Variants in ADCY2 observed in about 807,000 individuals in gnomAD.
The protein encoded by ADCY2 is adenylate cyclase type 2.
In ADCY2, 31 loss-of-function variants were observed where a neutral mutation model predicts 125.2. That is an observed-to-expected ratio of 0.25 (90% confidence interval 0.19 to 0.33). The LOEUF is 0.33. Among genes scored for constraint, ADCY2 ranks in the 10% least tolerant of loss-of-function variants. ADCY2 has a pLI of 1.00. For missense variants in ADCY2, 904 were observed against 1,418.2 expected (o/e 0.64, Z 5.82); for synonymous variants, 512 against 548.4 (o/e 0.93, Z 0.93).
At chr5:7,566,329 T>A (rs896564720) in intron 3 of ADCY2, among the ~76,000 whole-genome samples, 2 of 151,606 alleles carry the variant, frequency 1.3e-5, no homozygotes, top group African/African-American at 4.8e-5. Context: ...CTACAAAAAT[T>A]AAAAAAAATT....
intron 2 of ADCY2, among the ~76,000 whole-genome samples, chr5:7,416,222 A>C (rs1249679367): frequency 6.6e-6 from 1 of 152,146 alleles, no homozygotes; most frequent in Non-Finnish European, 1.5e-5. Flanking sequence ...TTGTGCCTCC[A>C]TTTCTTGGGC....
At chr5:7,524,141 G>A (rs1235519029) in intron 3 of ADCY2, among the ~76,000 whole-genome samples, 4 of 152,062 alleles carry the variant, frequency 2.6e-5, no homozygotes, top group Non-Finnish European at 5.9e-5. Flanking sequence ...CCTAATTAAG[G>A]AAATTTAATT....
rs7730003 is a variant in ADCY2 at position 7,824,811 on chromosome 5, G to A, written c.3124-1908G>A. On this transcript the variant is annotated intron_variant, in intron 24 of 24. Coordinates refer to ENST00000338316, the MANE Select transcript of ADCY2 (RefSeq NM_020546.3). ...TGGAGGATTCACCCTGGTTCTGGGC[G>A]TCCCTGGATGCTGTCCTGGGCTCTC... Among the ~76,000 whole-genome samples, 450 of 152,300 alleles carry A rather than the reference G, an allele frequency of 3.0e-3. 2 individuals carry two copies. Among genetic ancestry groups the A allele is most frequent in the Middle Eastern group, 0.014 (4 of 294 alleles).
At chr5:7,626,864 A>G (rs1186611149) in intron 4 of ADCY2, among the ~76,000 whole-genome samples, 2 of 152,130 alleles carry the variant, frequency 1.3e-5, no homozygotes, top group Admixed American at 6.6e-5. Context: ...TTTGGAGAGG[A>G]CAAGCATCTA....
chr5:7,582,571 T>C (rs1276112541), intron 3 of ADCY2, among the ~76,000 whole-genome samples: 1 of 152,188 alleles, frequency 6.6e-6, no homozygotes, highest in Non-Finnish European at 1.5e-5. Flanking sequence ...TAATATATTT[T>C]GACCATATTA....
At chr5:7,433,969 A>G (rs1429535500) in intron 2 of ADCY2, among the ~76,000 whole-genome samples, 1 of 152,256 alleles carries the variant, frequency 6.6e-6, no homozygotes, top group Non-Finnish European at 1.5e-5. Flanking sequence ...AGTTAATAAT[A>G]CAAATTCTAG....
intron 4 of ADCY2, among the ~76,000 whole-genome samples, chr5:7,687,030 G>A (rs1158140934): frequency 6.6e-6 from 1 of 152,142 alleles, no homozygotes; most frequent in Non-Finnish European, 1.5e-5. Flanking sequence ...TTGAATGATG[G>A]GGGAAGGCTT....
At chr5:7,741,712 A>G (rs1262069122) in intron 14 of ADCY2, among the ~76,000 whole-genome samples, 1 of 129,384 alleles carries the variant, frequency 7.7e-6, no homozygotes, top group Non-Finnish European at 1.7e-5. Flanking sequence ...AACCATCTCT[A>G]TCACCATCAC....
At chr5:7,642,404 T>C (rs1021709706) in intron 4 of ADCY2, among the ~76,000 whole-genome samples, 1 of 152,204 alleles carries the variant, frequency 6.6e-6, no homozygotes, top group Non-Finnish European at 1.5e-5. Flanking sequence ...TTTAAATTTC[T>C]TATAGATTCT....
intron 18 of ADCY2, among the ~76,000 whole-genome samples, chr5:7,774,649 G>A (rs1326731566): frequency 6.6e-6 from 1 of 152,108 alleles, no homozygotes; most frequent in South Asian, 2.1e-4. Flanking sequence ...CTAGTTATCA[G>A]GTTGAAGAAA....
At position 7,408,992 on chromosome 5, in the gene ADCY2, A is replaced by G. The variant is rs558387711; in HGVS notation, c.211-5581A>G. Among the ~76,000 whole-genome samples the G allele has an allele frequency of 7.9e-5, 12 of 152,358 alleles. No homozygotes were observed. The South Asian group carries it at 2.5e-3, about 32-fold the overall frequency. On this transcript the variant is annotated intron_variant, in intron 1 of 24. Transcript: ENST00000338316. ...ATGGAATCAACCTAAATGCCCATCA[A>G]TGGTAGACTGGATAAAGAAAATGTG... is the stretch of plus-strand genomic sequence containing the variant.
At chr5:7,717,033 T>G (rs1741613061) in intron 11 of ADCY2, 124 bp from the exon 12 acceptor site, 1 of 623,378 alleles carries the variant, frequency 1.6e-6, no homozygotes, top group Non-Finnish European at 2.9e-6. Context: ...TCATTGCACA[T>G]GCATGCAACA....
intron 20 of ADCY2, chr5:7,797,374 A>G (rs1388582768): frequency 6.6e-6 from 1 of 152,214 alleles, no homozygotes; most frequent in Non-Finnish European, 1.5e-5. Context: ...GCAGCTTTGA[A>G]TGTTTTCTAG....
intron 3 of ADCY2, among the ~76,000 whole-genome samples, chr5:7,548,945 A>G (rs973899166): frequency 2.3e-4 from 35 of 152,330 alleles, no homozygotes; most frequent in African/African-American, 8.4e-4. Flanking sequence ...CTGAAACCCC[A>G]GGGCTGAGTC....
chr5:7,613,721 C>G (rs569228019), intron 3 of ADCY2, among the ~76,000 whole-genome samples: 3 of 152,328 alleles, frequency 2.0e-5, no homozygotes, highest in Admixed American at 1.3e-4. Flanking sequence ...TGGCTCAAAG[C>G]CTTGCTTCTC....
intron 2 of ADCY2, among the ~76,000 whole-genome samples, chr5:7,434,114 T>A (rs1244913978): frequency 2.0e-5 from 3 of 152,178 alleles, no homozygotes; most frequent in Non-Finnish European, 2.9e-5. Context: ...AAAGAAAGAA[T>A]GATGACAAAT....
At chr5:7,590,081 C>T (rs777673521) in intron 3 of ADCY2, among the ~76,000 whole-genome samples, 9 of 152,014 alleles carry the variant, frequency 5.9e-5, no homozygotes, top group Admixed American at 3.9e-4. Flanking sequence ...ATTTAGGCTC[C>T]GTCTGCTAAA....
In ADCY2 at chr5:7,824,688, C is replaced by T. The variant is rs533323988; in HGVS notation, c.3124-2031C>T. Among the ~76,000 whole-genome samples, 11 of 152,302 alleles carry T rather than the reference C, an allele frequency of 7.2e-5. No individual in the cohort carries two copies. The South Asian group carries it at 2.1e-3, about 29-fold the overall frequency. On this transcript the variant is annotated intron_variant, in intron 24 of 24. Coordinates refer to ENST00000338316, the MANE Select transcript of ADCY2 (RefSeq NM_020546.3). Reference sequence around the variant, plus strand: ...CTTTCTGCTCTGCTCATCAGGGTCCCGAGGACCCACACGTGGACCTTGTGC... The same window carrying T: ...CTTTCTGCTCTGCTCATCAGGGTCCTGAGGACCCACACGTGGACCTTGTGC...
chr5:7,746,657 A>T (rs1048965172), intron 15 of ADCY2, among the ~76,000 whole-genome samples: 2 of 152,246 alleles, frequency 1.3e-5, no homozygotes, highest in African/African-American at 4.8e-5. Flanking sequence ...TGAATTAAAT[A>T]CTGAGTTTAT....
Sources: gnomAD v4.1 joint callset for allele counts (sites outside exome capture counted in the v4.1 genomes callset) on GRCh38, gnomAD v4.1.1 for gene constraint, MANE v1.5 for transcripts, NCBI Gene and HGNC (gene_info 2026-07-23, HGNC 2026-07-21) for gene names.